RPTOR: variants seen among roughly 807,000 people sequenced by gnomAD.
RPTOR encodes regulatory associated protein of MTOR complex 1.
In RPTOR, 21 loss-of-function variants were observed where a neutral mutation model predicts 169.9. That is an observed-to-expected ratio of 0.12 (90% CI 0.09 to 0.18). RPTOR has a LOEUF of 0.18. Among genes scored for constraint, RPTOR ranks in the 10% least tolerant of loss-of-function variants. The probability of loss-of-function intolerance (pLI) is 1.00; values close to 1 mark genes in which losing one functional copy is unlikely to be tolerated. For synonymous variants in RPTOR, 732 were observed against 753.2 expected, an observed-to-expected ratio of 0.97 and a Z score of 0.46; for missense variants, 1,133 against 1,855.9, an observed-to-expected ratio of 0.61 and a Z score of 7.16.
At chr17:80,712,308 G>A (rs1233067113) in intron 4 of RPTOR, among the ~76,000 whole-genome samples, 5 of 152,134 alleles carry the variant, frequency 3.3e-5, no homozygotes, top group Non-Finnish European at 7.3e-5. Context: ...TGCAACCACC[G>A]TTAGGTTGCC....
chr17:80,620,109 T>C (rs2065343792), intron 1 of RPTOR, among the ~76,000 whole-genome samples: 1 of 152,208 alleles, frequency 6.6e-6, no homozygotes, highest in South Asian at 2.1e-4. Context: ...ACTTTAAGGA[T>C]GAGGAAACTG....
chr17:80,875,708 C>T (rs1299282949), intron 13 of RPTOR, among the ~76,000 whole-genome samples: 2 of 151,878 alleles, frequency 1.3e-5, no homozygotes, highest in Admixed American at 6.6e-5. Flanking sequence ...GTGTCGCCTG[C>T]CGGGTCTTCC....
intron 28 of RPTOR, among the ~76,000 whole-genome samples, chr17:80,956,361 A>T (rs143501759): frequency 5.3e-5 from 8 of 152,374 alleles, no homozygotes; most frequent in Admixed American, 3.3e-4. Context: ...TCTGGTTTTA[A>T]ATACAGGCCG....
Position 80,960,803 on chromosome 17 carries a change from G to A in RPTOR, c.3606-591G>A, listed in dbSNP as rs376751420. The A allele has an allele frequency of 1.6e-3, 261 of 160,392 alleles. 1 individual carries two copies. The highest frequency in any genetic ancestry group is 0.012 in the South Asian group (71 of 5,872). The allele number at this position is 160,392 out of a possible 1,614,324, so 9.9% of individuals were successfully genotyped here. ...CTGGCAGGGGACAGGGCACACGCGT[G>A]GGCACAGCAGCCCCGGGCACTGCCT... On this transcript the variant is annotated intron_variant, in intron 30 of 33. Transcript: ENST00000306801. This position sits in a 1 kb window ranked among gnomAD's most constrained non-coding sequence, Gnocchi z 4.8.
intron 1 of RPTOR, among the ~76,000 whole-genome samples, chr17:80,569,283 A>G (rs2064877663): frequency 6.6e-6 from 1 of 152,134 alleles, no homozygotes; most frequent in Non-Finnish European, 1.5e-5. Flanking sequence ...CTGCATTTAA[A>G]CAGTGTTGAG....
intron 6 of RPTOR, among the ~76,000 whole-genome samples, chr17:80,766,566 C>A (rs1274145590): frequency 1.3e-5 from 2 of 152,202 alleles, no homozygotes; most frequent in African/African-American, 2.4e-5. Flanking sequence ...AAGCATCTTA[C>A]AATAAGTAAC....
intron 5 of RPTOR, among the ~76,000 whole-genome samples, chr17:80,753,301 T>C (rs1335124482): frequency 6.6e-6 from 1 of 152,182 alleles, no homozygotes; most frequent in Admixed American, 6.6e-5. Context: ...CGTCTTCCCA[T>C]GTCATTAAAC....
intron 12 of RPTOR, among the ~76,000 whole-genome samples, 185 bp from the exon 13 acceptor site, chr17:80,857,605 G>T (rs1006774753): frequency 6.6e-6 from 1 of 152,224 alleles, no homozygotes; most frequent in African/African-American, 2.4e-5. Flanking sequence ...GCAGCTTCTA[G>T]GAATAAATCA....
At chr17:80,621,282 C>T (rs1404007675) in intron 1 of RPTOR, among the ~76,000 whole-genome samples, 6 of 152,194 alleles carry the variant, frequency 3.9e-5, no homozygotes, top group Admixed American at 3.9e-4. Context: ...GTAAGGGACT[C>T]AGAGATCTTC....
At chr17:80,552,949 G>C (rs1365021878) in intron 1 of RPTOR, among the ~76,000 whole-genome samples, 1 of 152,250 alleles carries the variant, frequency 6.6e-6, no homozygotes, top group Non-Finnish European at 1.5e-5. Context: ...TCTGCTCACA[G>C]CATGTGCCCT....
At chr17:80,647,679 A>G (rs891475390) in intron 3 of RPTOR, among the ~76,000 whole-genome samples, 2 of 152,226 alleles carry the variant, frequency 1.3e-5, no homozygotes, top group African/African-American at 4.8e-5. Flanking sequence ...CGGTGCCTCC[A>G]CTGACCAAGT....
intron 24 of RPTOR, among the ~76,000 whole-genome samples, chr17:80,927,602 G>C (rs1048820849): frequency 6.1e-5 from 2 of 33,030 alleles, no homozygotes; most frequent in African/African-American, 4.4e-4. Context: ...GGAAGGCCGT[G>C]TGTGTGTCTG....
At chr17:80,613,589 C>T (rs765065003) in intron 1 of RPTOR, among the ~76,000 whole-genome samples, 2 of 152,130 alleles carry the variant, frequency 1.3e-5, no homozygotes, top group Non-Finnish European at 2.9e-5. Flanking sequence ...GTGTTGGACT[C>T]GGGCTGGGCT....
chr17:80,712,978 C>A (rs796159039), intron 4 of RPTOR, among the ~76,000 whole-genome samples: 1 of 152,148 alleles, frequency 6.6e-6, no homozygotes, highest in Admixed American at 6.5e-5. Flanking sequence ...TGAGGTATCT[C>A]TTCAGGTTTT....
At chr17:80,843,387 C>G (rs2067691587) in intron 10 of RPTOR, among the ~76,000 whole-genome samples, 1 of 151,854 alleles carries the variant, frequency 6.6e-6, no homozygotes, top group African/African-American at 2.4e-5. Context: ...TGCCACTGCA[C>G]TCCAGCCTGG....
chr17:80,701,060 G>C (rs1250046416), intron 3 of RPTOR, among the ~76,000 whole-genome samples: 1 of 152,120 alleles, frequency 6.6e-6, no homozygotes, highest in Admixed American at 6.5e-5. Context: ...TCAGGTTTCT[G>C]TTGTCCAAAT....
intron 12 of RPTOR, 116 bp downstream of exon 12, chr17:80,855,663 A>ACGGCTG: frequency 1.3e-6 from 1 of 786,238 alleles, no homozygotes; most frequent in Non-Finnish European, 2.2e-6. Flanking sequence ...CGTGAGACCC[A>ACGGCTG]GGGCGAGTGT....
chr17:80,574,754 C>G (rs1023085191), intron 1 of RPTOR, among the ~76,000 whole-genome samples: 3 of 151,690 alleles, frequency 2.0e-5, no homozygotes, highest in Non-Finnish European at 4.4e-5. Context: ...CTCCTGAGCT[C>G]AAGCGGTCTT....
chr17:80,876,586 G>C (rs1299561861), intron 13 of RPTOR, among the ~76,000 whole-genome samples: 16 of 127,160 alleles, frequency 1.3e-4, no homozygotes, highest in African/African-American at 4.8e-4. Context: ...TCGCCTGCCG[G>C]GTCTTCCACC....
Sources: gnomAD v4.1 joint callset for allele counts (sites outside exome capture counted in the v4.1 genomes callset) on GRCh38, gnomAD v4.1.1 for gene constraint, Gnocchi (gnomAD v3.1) non-coding constraint, MANE v1.5 for transcripts, NCBI Gene and HGNC (gene_info 2026-07-23, HGNC 2026-07-21) for gene names.